ZNF536: variants seen among roughly 807,000 people sequenced by gnomAD.
The protein encoded by ZNF536 is zinc finger protein 536.
A neutral mutation model predicts 84.5 loss-of-function variants in ZNF536; 13 were observed. The ratio of observed to expected loss-of-function variants is 0.15; its 90% CI spans 0.10 to 0.24. The LOEUF is 0.24. ZNF536 is among the 10% of genes least tolerant of loss of function. The probability of loss-of-function intolerance (pLI) is 1.00; values close to 1 mark genes in which losing one functional copy is unlikely to be tolerated. For synonymous variants in ZNF536, 811 were observed against 742.5 expected (o/e 1.09, Z -1.50); for missense variants, 1,536 against 1,747.5 (o/e 0.88, Z 2.16).
chr19:30,606,798 T>C (rs969889836), intron 1 of ZNF536, among the ~76,000 whole-genome samples: 1 of 152,100 alleles, frequency 6.6e-6, no homozygotes, highest in Non-Finnish European at 1.5e-5. Context: ...CCTGAGAACG[T>C]TGCAGCTCAG....
intron 4 of ZNF536, among the ~76,000 whole-genome samples, chr19:30,551,361 G>A (rs188471479): frequency 6.6e-5 from 10 of 152,314 alleles, no homozygotes; most frequent in Non-Finnish European, 1.2e-4. Context: ...CGCACCAGGC[G>A]AGGTTGAATG....
intron 1 of ZNF536, among the ~76,000 whole-genome samples, chr19:30,698,324 A>G (rs936675763): frequency 3.3e-5 from 5 of 152,168 alleles, no homozygotes; most frequent in African/African-American, 1.2e-4. Context: ...TAGATAATAC[A>G]GAGAACTCTC....
chr19:30,564,476 GC>G (rs2046281740), intron 1 of ZNF536, among the ~76,000 whole-genome samples: 1 of 152,106 alleles, frequency 6.6e-6, no homozygotes, highest in South Asian at 2.1e-4. Flanking sequence ...CTTTTCCGAA[GC>G]CTCCTGGGGC....
intron 3 of ZNF536, among the ~76,000 whole-genome samples, chr19:30,539,643 AC>A (rs1165489135): frequency 6.6e-6 from 1 of 152,156 alleles, no homozygotes; most frequent in Non-Finnish European, 1.5e-5. Flanking sequence ...GTCTCCATGC[AC>A]CCATGCCATT....
At chr19:30,289,090 G>A (rs1002118291) in intron 2 of ZNF536, among the ~76,000 whole-genome samples, 8 of 151,990 alleles carry the variant, frequency 5.3e-5, no homozygotes, top group Admixed American at 1.3e-4. Flanking sequence ...ACATCACTGG[G>A]GGCTTGGGAT....
intron 1 of ZNF536, among the ~76,000 whole-genome samples, chr19:30,706,977 T>C (rs1057100816): frequency 1.3e-5 from 2 of 152,216 alleles, no homozygotes; most frequent in Non-Finnish European, 2.9e-5. Context: ...TGACCTTCAA[T>C]TGGCTTGTAG....
At chr19:30,439,130 C>A (rs563173886) in intron 1 of ZNF536, among the ~76,000 whole-genome samples, 119 of 152,074 alleles carry the variant, frequency 7.8e-4, no homozygotes, top group African/African-American at 2.8e-3. Flanking sequence ...TAGGGACTCC[C>A]CACCCTTCCC....
chr19:30,404,735 G>A (rs181178897), intron 1 of ZNF536, among the ~76,000 whole-genome samples: 6 of 151,848 alleles, frequency 4.0e-5, no homozygotes, highest in Non-Finnish European at 5.9e-5. Context: ...GTCCGGAGGC[G>A]GGGGGGCTCC....
intron 2 of ZNF536, among the ~76,000 whole-genome samples, chr19:30,518,738 G>A (rs574446574): frequency 2.8e-4 from 43 of 152,324 alleles, no homozygotes; most frequent in Non-Finnish European, 5.0e-4. Context: ...CCTACTATGT[G>A]CTGGGCACCT....
intron 1 of ZNF536, among the ~76,000 whole-genome samples, chr19:30,400,931 G>T (rs560146520): frequency 6.6e-6 from 1 of 152,158 alleles, no homozygotes; most frequent in East Asian, 1.9e-4. Flanking sequence ...AGAACCATTT[G>T]CCCAGGACCT....
intron 1 of ZNF536, among the ~76,000 whole-genome samples, chr19:30,400,059 C>A (rs990882886): frequency 2.0e-5 from 3 of 152,102 alleles, no homozygotes; most frequent in Non-Finnish European, 4.4e-5. Context: ...ATTAAGAATT[C>A]ATTCCTTTAT....
At chr19:30,468,372 G>A (rs1274175974) in intron 2 of ZNF536, among the ~76,000 whole-genome samples, 2 of 152,172 alleles carry the variant, frequency 1.3e-5, no homozygotes, top group African/African-American at 2.4e-5. Flanking sequence ...ACCCCAGCTC[G>A]AACGCCAAGC....
At chr19:30,456,207 A>G (rs1184750493) in intron 2 of ZNF536, among the ~76,000 whole-genome samples, 3 of 152,134 alleles carry the variant, frequency 2.0e-5, no homozygotes, top group African/African-American at 4.8e-5. Flanking sequence ...TAATATGCAC[A>G]TGGAGGAAAT....
At chr19:30,419,114 C>G (rs1217782888) in intron 1 of ZNF536, among the ~76,000 whole-genome samples, 3 of 151,884 alleles carry the variant, frequency 2.0e-5, no homozygotes, top group Non-Finnish European at 4.4e-5. Context: ...ATATTCTTTT[C>G]TTTTTCAGAA....
chr19:30,614,502 C>T (rs1402319996), intron 1 of ZNF536, among the ~76,000 whole-genome samples: 2 of 151,966 alleles, frequency 1.3e-5, no homozygotes, highest in Non-Finnish European at 2.9e-5. Flanking sequence ...TTCTGTAGAA[C>T]AAATTCCAAG....
intron 1 of ZNF536, among the ~76,000 whole-genome samples, chr19:30,706,500 A>G (rs1031962750): frequency 4.0e-5 from 6 of 151,648 alleles, no homozygotes; most frequent in Non-Finnish European, 5.9e-5. Context: ...AAAAAAAAAA[A>G]GAAAGAAAAT....
At position 30,462,854 on chromosome 19, in the gene ZNF536, G is replaced by A. The variant is rs777588806; in HGVS notation, c.2170+17122G>A. On this transcript the variant is annotated intron_variant, in intron 2 of 4. Coordinates refer to ENST00000355537, the MANE Select transcript of ZNF536 (RefSeq NM_014717.3). Reference sequence around the variant, plus strand: ...ATGGTGTGAGTGTTGTGTGGATAAGGATGTGTGTGTTGGGATGGGTGTATC... The same window carrying A: ...ATGGTGTGAGTGTTGTGTGGATAAGAATGTGTGTGTTGGGATGGGTGTATC... Among the ~76,000 whole-genome samples, 50 of 146,420 alleles carry A rather than the reference G, an allele frequency of 3.4e-4. 3 individuals carry two copies. Among genetic ancestry groups the A allele is most frequent in the Non-Finnish European group, 4.9e-4 (32 of 65,866 alleles).
At chr19:30,536,934 G>A (rs1194485744) in intron 3 of ZNF536, among the ~76,000 whole-genome samples, 1 of 152,106 alleles carries the variant, frequency 6.6e-6, no homozygotes, top group African/African-American at 2.4e-5. Flanking sequence ...TCTCTGTGAG[G>A]CCCACCCACA....
intron 1 of ZNF536, among the ~76,000 whole-genome samples, chr19:30,622,459 G>A (rs1005206152): frequency 4.6e-5 from 7 of 152,244 alleles, no homozygotes; most frequent in African/African-American, 1.4e-4. Context: ...CATGCCCACC[G>A]GTGGGTCAGA....
Sources: gnomAD v4.1 joint callset for allele counts (sites outside exome capture counted in the v4.1 genomes callset) on GRCh38, gnomAD v4.1.1 for gene constraint, MANE v1.5 for transcripts, NCBI Gene and HGNC (gene_info 2026-07-23, HGNC 2026-07-21) for gene names.